The following CCR5AS variants were observed in gnomAD, a reference collection of about 807,000 sequenced individuals.
The protein encoded by CCR5AS is CCR5 antisense RNA.
intron 3 of CCR5AS, chr3:46,371,170 A>G (rs1701655564): frequency 6.6e-6 from 1 of 152,246 alleles, no homozygotes; most frequent in African/African-American, 2.4e-5. Flanking sequence ...TTATAACATC[A>G]AAGATACAAA....
At chr3:46,373,275 G>A (rs146209111) in intron 2 of CCR5AS, 26 of 1,614,074 alleles carry the variant, frequency 1.6e-5, no homozygotes, top group Middle Eastern at 3.3e-4. Flanking sequence ...CCTGACAATC[G>A]ATAGGTACCT....
At chr3:46,395,087 C>A (rs1019975923) in intron 1 of CCR5AS, among the ~76,000 whole-genome samples, 12 of 152,244 alleles carry the variant, frequency 7.9e-5, no homozygotes, top group Admixed American at 7.2e-4. Flanking sequence ...TAGGAAAGCC[C>A]TGACTGGAGA....
intron 2 of CCR5AS, among the ~76,000 whole-genome samples, chr3:46,381,515 A>T (rs1271455268): frequency 6.6e-6 from 1 of 152,168 alleles, no homozygotes; most frequent in African/African-American, 2.4e-5. Flanking sequence ...TGATAACTTA[A>T]TCTTTTTGGT....
intron 2 of CCR5AS, chr3:46,374,748 G>A (rs41466044): frequency 0.014 from 2,320 of 167,352 alleles, 64 homozygotes; most frequent in African/African-American, 0.053. Flanking sequence ...TGAGCAGGGA[G>A]ATCCTGGTTG....
At chr3:46,384,866 T>C (rs1463589979) in intron 2 of CCR5AS, among the ~76,000 whole-genome samples, 5 of 25,828 alleles carry the variant, frequency 1.9e-4, no homozygotes, top group African/African-American at 1.1e-3. Flanking sequence ...GATAGATAGA[T>C]AGATAGATAG....
chr3:46,402,743 G>T (rs1485598719), intron 1 of CCR5AS, among the ~76,000 whole-genome samples: 3 of 151,930 alleles, frequency 2.0e-5, no homozygotes, highest in African/African-American at 4.8e-5. Context: ...ATAATTTTTT[G>T]AACTTTTATT....
chr3:46,388,077 G>T (rs530710233), intron 2 of CCR5AS, among the ~76,000 whole-genome samples: 2 of 152,160 alleles, frequency 1.3e-5, no homozygotes, highest in Non-Finnish European at 2.9e-5. Context: ...ATGTATAAGC[G>T]CAGGTCACAG....
chr3:46,390,107 T>C (rs1194347082), intron 2 of CCR5AS, among the ~76,000 whole-genome samples: 2 of 151,916 alleles, frequency 1.3e-5, no homozygotes, highest in Non-Finnish European at 2.9e-5. Flanking sequence ...AGAAAGGGCC[T>C]GGCCAAAGTA....
At chr3:46,367,649 C>T (rs1194292097) in intron 3 of CCR5AS, among the ~76,000 whole-genome samples, 1 of 152,196 alleles carries the variant, frequency 6.6e-6, no homozygotes, top group East Asian at 1.9e-4. Flanking sequence ...TGGTTCACTG[C>T]AACCTCCATC....
At chr3:46,377,565 A>C (rs1205680268) in intron 2 of CCR5AS, among the ~76,000 whole-genome samples, 1 of 152,200 alleles carries the variant, frequency 6.6e-6, no homozygotes, top group Non-Finnish European at 1.5e-5. Flanking sequence ...CAAATCATTT[A>C]TTTTCTATCA....
At chr3:46,385,451 T>C (rs1326417335) in intron 2 of CCR5AS, among the ~76,000 whole-genome samples, 2 of 152,160 alleles carry the variant, frequency 1.3e-5, no homozygotes, top group African/African-American at 4.8e-5. Flanking sequence ...GGATCCAATA[T>C]GGTGCTGAGT....
chr3:46,405,804 C>T (rs1427569208), intron 1 of CCR5AS, among the ~76,000 whole-genome samples: 1 of 152,114 alleles, frequency 6.6e-6, no homozygotes, highest in Non-Finnish European at 1.5e-5. Flanking sequence ...TTTGTCTGGG[C>T]TCTTTCTGTG....
chr3:46,364,135 AGTGT>A, downstream of CCR5AS, among the ~76,000 whole-genome samples: 1 of 152,270 alleles, frequency 6.6e-6, no homozygotes, highest in Non-Finnish European at 1.5e-5. Context: ...ACAGATTTTC[AGTGT>A]AGACAAAACA....
rs1267222249 is a variant in CCR5AS, at chr3:46,397,560, C to T, written n.164-4508G>A. Among the ~76,000 whole-genome samples, 3 of 152,214 alleles carry T rather than the reference C, an allele frequency of 2.0e-5. No homozygotes were observed. The South Asian group carries it at 6.2e-4, about 31-fold the overall frequency. On this transcript the variant is annotated intron_variant and non_coding_transcript_variant, in intron 1 of 3. Transcript: ENST00000451485. The stretch of plus-strand genomic sequence containing the variant: ...AGACAGGGCAAGGGGAGGGAGCTGC[C>T]TGACAAGAGCTGCCCTTACGTCAAG...
At chr3:46,396,427 C>A (rs1314745417) in intron 1 of CCR5AS, among the ~76,000 whole-genome samples, 1 of 152,160 alleles carries the variant, frequency 6.6e-6, no homozygotes, top group East Asian at 1.9e-4. Context: ...ATTTCTGTTT[C>A]CATTTTCTAT....
rs1799987 is a variant in CCR5AS, at chr3:46,370,444, A to G, written n.565+800T>C. ...TACGGGGAGAGTGGAGAAAAAGGGG[A>G]CACAGGGTTAATGTGAAGTCCAGGA... On this transcript the variant is annotated intron_variant and non_coding_transcript_variant, in intron 3 of 3. Transcript: ENST00000451485. Among the ~76,000 whole-genome samples, 74,586 of 151,794 alleles carry G rather than the reference A, an allele frequency of 0.49. 18,573 individuals are homozygous for G. The highest frequency in any genetic ancestry group is 0.61 in the South Asian group (2,948 of 4,820).
At chr3:46,372,886 G>A (rs1701682184) in intron 2 of CCR5AS, 1 of 1,539,904 alleles carries the variant, frequency 6.5e-7, no homozygotes, top group Admixed American at 2.0e-5. Context: ...TTTTATTTAT[G>A]CACAGGGTGG....
exon 4 of CCR5AS, chr3:46,364,849 G>T (rs1701585105): frequency 6.6e-6 from 1 of 152,184 alleles, no homozygotes; most frequent in African/African-American, 2.4e-5. Flanking sequence ...ATGACTTTCA[G>T]GGGTTCACGT....
intron 1 of CCR5AS, among the ~76,000 whole-genome samples, chr3:46,393,993 A>T (rs770586250): frequency 6.6e-6 from 1 of 152,194 alleles, no homozygotes; most frequent in Non-Finnish European, 1.5e-5. Flanking sequence ...CAAATGCAAG[A>T]TGCGTAGGAT....
Sources: allele counts gnomAD v4.1 joint callset (sites outside exome capture counted in the v4.1 genomes callset), GRCh38; gene constraint gnomAD v4.1.1; transcripts MANE v1.5; gene names NCBI Gene and HGNC (gene_info 2026-07-23, HGNC 2026-07-21).